Variants in NUBPL observed in about 807,000 individuals in gnomAD.
NUBPL encodes NUBP iron-sulfur cluster assembly factor, mitochondrial, also known as iron-sulfur cluster transfer protein NUBPL.
In NUBPL, 31 loss-of-function variants were observed where a neutral mutation model predicts 45.7. The ratio of observed to expected loss-of-function variants is 0.68; its 90% CI spans 0.51 to 0.92. The LOEUF is 0.92. Ranked by LOEUF, NUBPL falls within the 40% of genes least tolerant of loss-of-function variation. The pLI is 0.00. For missense variants in NUBPL, 401 were observed against 398.7 expected (o/e 1.01, Z -0.05); for synonymous variants, 144 against 140.9 (o/e 1.02, Z -0.15).
intron 4 of NUBPL, among the ~76,000 whole-genome samples, chr14:31,663,333 G>C (rs1007130920): frequency 2.6e-5 from 4 of 152,086 alleles, no homozygotes; most frequent in Non-Finnish European, 5.9e-5. Context: ...GTCCTGAATG[G>C]TATTGCCTAG....
chr14:31,646,480 G>A (rs936731563), intron 4 of NUBPL, among the ~76,000 whole-genome samples: 1 of 152,152 alleles, frequency 6.6e-6, no homozygotes, highest in African/African-American at 2.4e-5. Context: ...GAGCCACCAC[G>A]CTTGGCCATC....
chr14:31,790,773 G>T (rs941600603), intron 7 of NUBPL, among the ~76,000 whole-genome samples: 1 of 151,954 alleles, frequency 6.6e-6, no homozygotes, highest in Non-Finnish European at 1.5e-5. Context: ...ATGGCATGAA[G>T]CTGGGAGGTG....
In NUBPL at chr14:31,561,506, GCC is replaced by G; in HGVS notation, c.70_71del (p.Pro24AlafsTer19). ...GCTCCGGGCTGGTGGCGGGGCCACTGCCCCGCTTGGGGGAAGCCGAGCGATGG... is the reference window on the plus strand; with the variant it reads ...GCTCCGGGCTGGTGGCGGGGCCACTGCCGCTTGGGGGAAGCCGAGCGATGG... ...VSLRAGGGAT[A>X]PLGGSRAMVC... On this transcript the variant is annotated frameshift_variant, in exon 1 of 11. Transcript: ENST00000281081. LOFTEE classifies it high-confidence loss of function. 1 of 1,391,700 alleles carries G rather than the reference GCC, an allele frequency of 7.2e-7. No homozygotes were observed. Among genetic ancestry groups the G allele is most frequent in the Non-Finnish European group, 9.4e-7 (1 of 1,065,770 alleles). 86.2% of individuals were successfully genotyped at this position (1,391,700 alleles called of 1,614,324 possible). A position where few individuals can be genotyped will look rare whatever the true frequency, so the allele number is the denominator to read the frequency against.
At chr14:31,619,154 C>A (rs1402221598) in intron 4 of NUBPL, among the ~76,000 whole-genome samples, 1 of 152,092 alleles carries the variant, frequency 6.6e-6, no homozygotes, top group African/African-American at 2.4e-5. Context: ...TTCCTCCCTC[C>A]CTTTATTTTG....
At chr14:31,779,570 A>G (rs2039155902) in intron 6 of NUBPL, among the ~76,000 whole-genome samples, 1 of 152,156 alleles carries the variant, frequency 6.6e-6, no homozygotes, top group Non-Finnish European at 1.5e-5. Flanking sequence ...CACTAGTAAT[A>G]TCAGATTTAA....
intron 4 of NUBPL, among the ~76,000 whole-genome samples, chr14:31,630,865 C>A (rs1201488336): frequency 1.3e-5 from 2 of 152,190 alleles, no homozygotes; most frequent in African/African-American, 2.4e-5. Context: ...TCCAGTGATT[C>A]TTTCCCCACC....
chr14:31,779,370 C>T (rs373686139), intron 6 of NUBPL, among the ~76,000 whole-genome samples: 4 of 151,916 alleles, frequency 2.6e-5, no homozygotes, highest in Admixed American at 6.6e-5. Flanking sequence ...GAAAGAGAAC[C>T]TCATCATTTG....
intron 7 of NUBPL, among the ~76,000 whole-genome samples, chr14:31,822,779 A>G (rs535788159): frequency 5.1e-4 from 77 of 152,302 alleles, no homozygotes; most frequent in Middle Eastern, 6.8e-3. Flanking sequence ...AGCATTTGAC[A>G]GGACATGGAA....
At chr14:31,776,856 A>C (rs946906335) in intron 6 of NUBPL, among the ~76,000 whole-genome samples, 3 of 152,204 alleles carry the variant, frequency 2.0e-5, no homozygotes, top group African/African-American at 7.2e-5. Context: ...GAAATTGTTT[A>C]GTGCTCAGGA....
At chr14:31,589,465 A>G (rs1351840490) in intron 3 of NUBPL, among the ~76,000 whole-genome samples, 1 of 152,216 alleles carries the variant, frequency 6.6e-6, no homozygotes, top group South Asian at 2.1e-4. Context: ...TTTGAAACCT[A>G]TGTGTCTACC....
chr14:31,743,577 G>A (rs1176081449), intron 6 of NUBPL, among the ~76,000 whole-genome samples: 5 of 151,942 alleles, frequency 3.3e-5, no homozygotes, highest in South Asian at 4.2e-4. Context: ...ATGGGATTTC[G>A]CCGTGTTGGC....
chr14:31,710,453 C>T (rs771327203), intron 6 of NUBPL, among the ~76,000 whole-genome samples: 7 of 152,150 alleles, frequency 4.6e-5, no homozygotes, highest in Admixed American at 2.0e-4. Context: ...TTCTCCCAGA[C>T]CACAAGGAGG....
chr14:31,789,449 G>C (rs1038512427), intron 7 of NUBPL, among the ~76,000 whole-genome samples: 14 of 152,008 alleles, frequency 9.2e-5, no homozygotes, highest in African/African-American at 3.4e-4. Context: ...AATAAACATA[G>C]CTTATATCAA....
Position 31,716,933 on chromosome 14 carries a change from A to G in NUBPL, c.513+43359A>G, listed in dbSNP as rs188832896. Among the ~76,000 whole-genome samples the G allele has an allele frequency of 1.2e-4, 19 of 152,186 alleles. No individual in the cohort carries two copies. The East Asian group carries it at 2.1e-3, about 17-fold the overall frequency. ...GTTCATTTCTCCCATCTCTGCTGCT[A>G]TCCTTCCCTACAATGTCCACCCTTT... On this transcript the variant is annotated intron_variant, in intron 6 of 10. Transcript: ENST00000281081.
chr14:31,609,376 A>G (rs2034693217), intron 4 of NUBPL, among the ~76,000 whole-genome samples: 2 of 152,200 alleles, frequency 1.3e-5, no homozygotes, highest in African/African-American at 4.8e-5. Context: ...AGAGGATATA[A>G]CAATTTTAAA....
intron 6 of NUBPL, among the ~76,000 whole-genome samples, chr14:31,738,572 C>T (rs926283561): frequency 2.0e-5 from 3 of 152,144 alleles, no homozygotes; most frequent in Non-Finnish European, 4.4e-5. Context: ...ATTATCTGGA[C>T]AGCCCAAGGC....
intron 6 of NUBPL, among the ~76,000 whole-genome samples, chr14:31,675,833 A>AT (rs1362350820): frequency 3.3e-5 from 5 of 152,156 alleles, no homozygotes; most frequent in African/African-American, 9.7e-5. Context: ...TAATTCAGTG[A>AT]TTTTTGATAA....
intron 6 of NUBPL, among the ~76,000 whole-genome samples, chr14:31,765,903 TACAG>T (rs1369731213): frequency 2.6e-5 from 4 of 152,050 alleles, no homozygotes; most frequent in African/African-American, 9.7e-5. Context: ...TACACAAAAA[TACAG>T]ACAGACAGAA....
At chr14:31,707,143 C>T (rs1447399162) in intron 6 of NUBPL, among the ~76,000 whole-genome samples, 2 of 152,160 alleles carry the variant, frequency 1.3e-5, no homozygotes, top group African/African-American at 4.8e-5. Flanking sequence ...TCTGGTCGGA[C>T]CTTTGTATGG....
Sources: allele counts gnomAD v4.1 joint callset (sites outside exome capture counted in the v4.1 genomes callset), GRCh38; gene constraint gnomAD v4.1.1; transcripts MANE v1.5; gene names NCBI Gene and HGNC (gene_info 2026-07-23, HGNC 2026-07-21).